EGFLAM: variants seen among roughly 807,000 people sequenced by gnomAD.
EGFLAM encodes pikachurin.
Under a neutral mutation model 113.1 loss-of-function variants are expected in EGFLAM, and 79 were observed. The observed-to-expected ratio is 0.70, with a 90% CI of 0.58 to 0.84. The LOEUF is 0.84. EGFLAM is among the 40% of genes least tolerant of loss of function. EGFLAM has a pLI of 0.00. For synonymous variants in EGFLAM, 504 were observed against 487.6 expected, an observed-to-expected ratio of 1.03 and a Z score of -0.44; for missense variants, 1,265 against 1,291.6, an observed-to-expected ratio of 0.98 and a Z score of 0.32.
At position 38,406,143 on chromosome 5, in the gene EGFLAM, A is replaced by G. The variant is rs1353581004; in HGVS notation, c.730A>G (p.Ser244Gly). ...IRTLCPEEAG[S>G]GRYGPRYITD... ...TTGTGAAGGCCCTGAGGAGGCGGGA[A>G]GTGGCCGCTATGGACCCCGTTATAT... is the stretch of plus-strand genomic sequence containing the variant. The change falls in exon 7 of 22, where the codon AGT (serine) becomes GGT (glycine). Residue 244 changes from serine to glycine, a missense_variant. Transcript: ENST00000322350. 1.2e-6 allele frequency: 2 copies of G among 1,614,038 alleles called. No individual in the cohort carries two copies. The highest frequency in any genetic ancestry group is 2.7e-5 in the African/African-American group (2 of 74,912).
intron 19 of EGFLAM, among the ~76,000 whole-genome samples, chr5:38,453,286 A>C (rs889625894): frequency 2.0e-5 from 3 of 152,180 alleles, no homozygotes; most frequent in Non-Finnish European, 4.4e-5. Flanking sequence ...TGTTTGCTAA[A>C]TGATATGAAA....
intron 1 of EGFLAM, among the ~76,000 whole-genome samples, chr5:38,323,902 C>T (rs1047268216): frequency 6.6e-6 from 1 of 151,886 alleles, no homozygotes; most frequent in African/African-American, 2.4e-5. Flanking sequence ...GTTAAGCTGG[C>T]GTGGTGGTGC....
At chr5:38,373,544 T>C (rs1255512311) in intron 6 of EGFLAM, among the ~76,000 whole-genome samples, 1 of 152,198 alleles carries the variant, frequency 6.6e-6, no homozygotes, top group Non-Finnish European at 1.5e-5. Context: ...GTTATTTCAC[T>C]TAGGATAATG....
At chr5:38,276,313 GATGAGATT>G (rs1757882845) in intron 1 of EGFLAM, among the ~76,000 whole-genome samples, 1 of 152,166 alleles carries the variant, frequency 6.6e-6, no homozygotes, top group Non-Finnish European at 1.5e-5. Context: ...GGAGCAACAA[GATGAGATT>G]TGGGTAGGGA....
At chr5:38,443,649 A>G (rs1579939556) in intron 17 of EGFLAM, among the ~76,000 whole-genome samples, 1 of 152,224 alleles carries the variant, frequency 6.6e-6, no homozygotes, top group East Asian at 1.9e-4. Context: ...ATGGGCATCC[A>G]TCAAGGATGC....
intron 1 of EGFLAM, among the ~76,000 whole-genome samples, chr5:38,294,196 G>A (rs1453532368): frequency 1.3e-5 from 2 of 152,136 alleles, no homozygotes; most frequent in African/African-American, 2.4e-5. Flanking sequence ...TTCCACATAT[G>A]TCTATTCTGG....
At position 38,427,269 on chromosome 5, in the gene EGFLAM, T is replaced by C; in HGVS notation, c.2054+17T>C. 1 of 1,606,596 alleles carries C rather than the reference T, an allele frequency of 6.2e-7. No individual in the cohort carries two copies. Among genetic ancestry groups the C allele is most frequent in the Non-Finnish European group, 8.5e-7 (1 of 1,176,890 alleles). On this transcript the variant is annotated intron_variant, in intron 14 of 21. Transcript: ENST00000322350. Reference sequence around the variant, plus strand: ...TGTCCTCAGGTGAGGGCTGAAAACTTCTGGGACTCTTTCCCTTAAAAAGGC... The same window carrying C: ...TGTCCTCAGGTGAGGGCTGAAAACTCCTGGGACTCTTTCCCTTAAAAAGGC...
chr5:38,435,718 G>A (rs1014635412), intron 16 of EGFLAM, among the ~76,000 whole-genome samples: 9 of 149,500 alleles, frequency 6.0e-5, no homozygotes, highest in African/African-American at 2.2e-4. Context: ...ATGTAACCAA[G>A]CTCTTAAGAG....
At chr5:38,266,235 A>C (rs1757632477) in intron 1 of EGFLAM, among the ~76,000 whole-genome samples, 2 of 152,200 alleles carry the variant, frequency 1.3e-5, no homozygotes, top group African/African-American at 4.8e-5. Flanking sequence ...GGCTTGGGTA[A>C]GAGCACATAT....
intron 1 of EGFLAM, among the ~76,000 whole-genome samples, chr5:38,325,151 A>G (rs1288420734): frequency 2.0e-5 from 3 of 152,128 alleles, no homozygotes; most frequent in Non-Finnish European, 4.4e-5. Context: ...AGCTGAGAAC[A>G]GGGAATCTGG....
chr5:38,302,016 G>A (rs1364082272), intron 1 of EGFLAM, among the ~76,000 whole-genome samples: 1 of 152,128 alleles, frequency 6.6e-6, no homozygotes, highest in East Asian at 1.9e-4. Context: ...AAGGTGGGTG[G>A]ATCACATGAG....
At chr5:38,280,992 C>T (rs1332088264) in intron 1 of EGFLAM, among the ~76,000 whole-genome samples, 1 of 152,092 alleles carries the variant, frequency 6.6e-6, no homozygotes, top group Non-Finnish European at 1.5e-5. Context: ...TGAGCTACCC[C>T]TGGGCCCAAA....
chr5:38,350,085 C>G (rs1414850156), intron 3 of EGFLAM, among the ~76,000 whole-genome samples: 1 of 152,126 alleles, frequency 6.6e-6, no homozygotes, highest in Non-Finnish European at 1.5e-5. Context: ...TTTCTAGGTA[C>G]AAATCAAGAC....
At chr5:38,452,370 A>C (rs1277235764) in intron 19 of EGFLAM, among the ~76,000 whole-genome samples, 1 of 152,154 alleles carries the variant, frequency 6.6e-6, no homozygotes, top group Non-Finnish European at 1.5e-5. Context: ...GGCCATGTTC[A>C]TGCTACAATG....
chr5:38,410,602 C>A (rs1360264877), intron 10 of EGFLAM, among the ~76,000 whole-genome samples: 1 of 152,166 alleles, frequency 6.6e-6, no homozygotes, highest in Non-Finnish European at 1.5e-5. Flanking sequence ...GTGGAAGAGG[C>A]ATGGTGGCTA....
intron 5 of EGFLAM, among the ~76,000 whole-genome samples, chr5:38,354,303 C>T (rs1739706352): frequency 6.6e-6 from 1 of 152,060 alleles, no homozygotes; most frequent in Admixed American, 6.5e-5. Flanking sequence ...AAATGTGCTA[C>T]ACTGAAAATC....
intron 6 of EGFLAM, among the ~76,000 whole-genome samples, chr5:38,404,268 C>T (rs551892407): frequency 1.3e-5 from 2 of 152,288 alleles, no homozygotes; most frequent in African/African-American, 4.8e-5. Flanking sequence ...TCCTAACCCC[C>T]AAGGAGGGGC....
intron 1 of EGFLAM, among the ~76,000 whole-genome samples, chr5:38,303,187 T>C (rs1445395440): frequency 6.6e-6 from 1 of 152,180 alleles, no homozygotes; most frequent in Non-Finnish European, 1.5e-5. Flanking sequence ...ATCTGAGTTG[T>C]CTCCCCAAGT....
intron 6 of EGFLAM, chr5:38,400,146 C>T (rs1219486685): frequency 6.6e-6 from 1 of 152,160 alleles, no homozygotes; most frequent in Non-Finnish European, 1.5e-5. Context: ...CAAGGTCACC[C>T]AAGCCATTTA....
Sources: allele counts gnomAD v4.1 joint callset (sites outside exome capture counted in the v4.1 genomes callset), GRCh38; gene constraint gnomAD v4.1.1; transcripts MANE v1.5; gene names NCBI Gene and HGNC (gene_info 2026-07-23, HGNC 2026-07-21).